Variants in ZFHX3 observed in about 807,000 individuals in gnomAD.
ZFHX3 encodes the protein zinc finger homeobox protein 3.
Under a neutral mutation model 279.1 loss-of-function variants are expected in ZFHX3, and 42 were observed. The ratio of observed to expected loss-of-function variants is 0.15; its 90% confidence interval spans 0.12 to 0.19. ZFHX3 has a LOEUF of 0.19. Among genes scored for constraint, ZFHX3 ranks in the 10% least tolerant of loss-of-function variants. The probability of loss-of-function intolerance (pLI) is 1.00; values close to 1 mark genes in which losing one functional copy is unlikely to be tolerated. For missense variants in ZFHX3, 4,981 were observed against 4,754.0 expected (o/e 1.05, Z -1.40); for synonymous variants, 2,293 against 1,957.8 (o/e 1.17, Z -4.52).
At chr16:73,583,213 C>T (rs1236566916) in intron 2 of ZFHX3, among the ~76,000 whole-genome samples, 1 of 152,138 alleles carries the variant, frequency 6.6e-6, no homozygotes, top group Non-Finnish European at 1.5e-5. Flanking sequence ...ATCCCTCTTC[C>T]CCAAGAAATG....
intron 3 of ZFHX3, among the ~76,000 whole-genome samples, chr16:73,409,375 A>G (rs35175257): frequency 0.086 from 13,070 of 152,284 alleles, 671 homozygotes; most frequent in South Asian, 0.17. Flanking sequence ...ATGGTAAGAA[A>G]TCTTGACTCC....
Position 72,847,498 on chromosome 16 carries a change from C to T in ZFHX3, c.3449-17639G>A, listed in dbSNP as rs148184093. 7.9e-5 allele frequency among the ~76,000 whole-genome samples: 12 copies of T among 152,176 alleles called. No homozygotes were observed. The East Asian group carries it at 2.3e-3, about 30-fold the overall frequency. ...CTCCAAGAAACTCAGTGGTCAGGCC[C>T]CGGAGTGTTCCAGGTTTTGCTGCAA... On this transcript the variant is annotated intron_variant, in intron 4 of 9. Transcript: ENST00000268489.
At chr16:73,520,849 G>A (rs965844845) in intron 2 of ZFHX3, among the ~76,000 whole-genome samples, 3 of 151,980 alleles carry the variant, frequency 2.0e-5, no homozygotes, top group Non-Finnish European at 4.4e-5. Flanking sequence ...ATAATACAGA[G>A]AAAAAAAGGA....
At chr16:73,598,629 A>T (rs1274781797) in intron 2 of ZFHX3, among the ~76,000 whole-genome samples, 1 of 152,124 alleles carries the variant, frequency 6.6e-6, no homozygotes, top group Non-Finnish European at 1.5e-5. Flanking sequence ...TGTGTTGCCC[A>T]GGCTGGTCTC....
chr16:73,443,169 T>C (rs1431697440), intron 3 of ZFHX3, among the ~76,000 whole-genome samples: 1 of 152,182 alleles, frequency 6.6e-6, no homozygotes, highest in Non-Finnish European at 1.5e-5. Context: ...TGGCTGGATC[T>C]GAAGCTTTCT....
At chr16:73,744,368 A>G (rs536107259) in intron 1 of ZFHX3, among the ~76,000 whole-genome samples, 1 of 152,198 alleles carries the variant, frequency 6.6e-6, no homozygotes. Flanking sequence ...GATGGAGTTT[A>G]CTCGGGGCTT....
At chr16:73,739,003 A>G (rs2053631498) in intron 1 of ZFHX3, among the ~76,000 whole-genome samples, 1 of 152,116 alleles carries the variant, frequency 6.6e-6, no homozygotes, top group South Asian at 2.1e-4. Flanking sequence ...GTTCTAATCC[A>G]TAACCCCTAG....
In ZFHX3 at chr16:72,973,586, C is replaced by T. The variant is rs151216150; in HGVS notation, c.-49-13392G>A. ...TCAAGTTGTACTTGGCCAATAAAAT[C>T]CTCGCCTATTGGCCAGGCATGGTGG... On this transcript the variant is annotated intron_variant, in intron 1 of 9. Coordinates refer to ENST00000268489, the MANE Select transcript of ZFHX3 (RefSeq NM_006885.4). The T allele has an allele frequency of 7.4e-3, 1,121 of 152,386 alleles. 7 individuals are homozygous for T. Among genetic ancestry groups the T allele is most frequent in the Non-Finnish European group, 8.7e-3 (590 of 68,078 alleles). 9.4% of individuals were successfully genotyped at this position (152,386 alleles called of 1,614,324 possible).
At chr16:73,550,631 A>G (rs1517176) in intron 2 of ZFHX3, among the ~76,000 whole-genome samples, 31,560 of 152,172 alleles carry the variant, frequency 0.21, 5,032 homozygotes, top group African/African-American at 0.44. Context: ...GTCTGGCTCT[A>G]CCATTTTGTA....
intron 3 of ZFHX3, among the ~76,000 whole-genome samples, chr16:73,378,777 T>C (rs1306759568): frequency 6.6e-6 from 1 of 152,204 alleles, no homozygotes; most frequent in Non-Finnish European, 1.5e-5. Context: ...CAGAATTTTC[T>C]TTTCACTTGC....
intron 1 of ZFHX3, among the ~76,000 whole-genome samples, chr16:73,803,507 A>G (rs933984575): frequency 1.3e-5 from 2 of 152,248 alleles, no homozygotes; most frequent in South Asian, 4.1e-4. Flanking sequence ...ACCCTTTGAC[A>G]TGATAATCAC....
At chr16:73,235,729 G>A (rs2012925207) in intron 5 of ZFHX3, among the ~76,000 whole-genome samples, 1 of 152,002 alleles carries the variant, frequency 6.6e-6, no homozygotes, top group South Asian at 2.1e-4. Context: ...CTGGAGTGCA[G>A]TGGTGCAATC....
intron 2 of ZFHX3, among the ~76,000 whole-genome samples, chr16:73,675,578 G>T (rs1168197729): frequency 1.3e-5 from 2 of 151,870 alleles, no homozygotes; most frequent in Admixed American, 6.6e-5. Flanking sequence ...AGAACTTATT[G>T]TTTTAGCATC....
intron 3 of ZFHX3, among the ~76,000 whole-genome samples, chr16:73,334,412 G>A (rs1402114296): frequency 6.6e-6 from 1 of 152,170 alleles, no homozygotes; most frequent in Non-Finnish European, 1.5e-5. Flanking sequence ...CCTAAATGCT[G>A]AGGACAAATA....
chr16:73,452,565 G>C (rs6564242), intron 3 of ZFHX3, among the ~76,000 whole-genome samples: 100,719 of 152,010 alleles, frequency 0.66, 33,777 homozygotes, highest in Non-Finnish European at 0.72. Flanking sequence ...ACTCAGCCAA[G>C]AATCTCTTCT....
intron 1 of ZFHX3, among the ~76,000 whole-genome samples, chr16:73,879,073 C>A (rs1370079185): frequency 6.6e-6 from 1 of 151,372 alleles, no homozygotes; most frequent in African/African-American, 2.4e-5. Context: ...TTTTTAGCTT[C>A]TTCCAACTTC....
At chr16:73,398,263 C>T (rs1187028357) in intron 3 of ZFHX3, among the ~76,000 whole-genome samples, 1 of 152,174 alleles carries the variant, frequency 6.6e-6, no homozygotes, top group Admixed American at 6.5e-5. Flanking sequence ...TTTAAAGCCA[C>T]AGACCTAGAT....
intron 3 of ZFHX3, among the ~76,000 whole-genome samples, chr16:72,906,217 G>A (rs530016477): frequency 4.0e-5 from 6 of 151,770 alleles, no homozygotes; most frequent in South Asian, 2.1e-4. Flanking sequence ...CCGGGAAAAC[G>A]TTTTAAAACT....
rs2018328934 is a variant in ZFHX3, at chr16:73,454,066, C to T, written c.-1291+1937G>A. Among the ~76,000 whole-genome samples the T allele has an allele frequency of 1.3e-5, 2 of 152,266 alleles. 1 individual carries two copies. The highest frequency in any genetic ancestry group is 4.1e-4 in the South Asian group (2 of 4,822). On this transcript the variant is annotated intron_variant, in intron 3 of 17. Coordinates refer to the ZFHX3 transcript ENST00000641206. The stretch of plus-strand genomic sequence containing the variant: ...TGAGGCATCCCAGCTCAGCCTTAGA[C>T]ATCAGGGAGCCGAGGTAGGGCATTC...
Sources: allele counts gnomAD v4.1 joint callset (sites outside exome capture counted in the v4.1 genomes callset), GRCh38; gene constraint gnomAD v4.1.1; transcripts MANE v1.5; gene names NCBI Gene and HGNC (gene_info 2026-07-23, HGNC 2026-07-21).